The following NRF1 variants were observed in gnomAD, a reference collection of about 807,000 sequenced individuals.
NRF1 encodes the protein alpha palindromic-binding protein.
In NRF1, 5 loss-of-function variants were observed where a neutral mutation model predicts 58.5. That is an observed-to-expected ratio of 0.09 (90% CI 0.04 to 0.18). The LOEUF is 0.18. Among genes scored for constraint, NRF1 ranks in the 10% least tolerant of loss-of-function variants. The probability of loss-of-function intolerance (pLI) is 1.00; values close to 1 mark genes in which losing one functional copy is unlikely to be tolerated. For synonymous variants in NRF1, 224 were observed against 246.7 expected (o/e 0.91, Z 0.86); for missense variants, 288 against 657.7 (o/e 0.44, Z 6.15).
At chr7:129,680,523 C>T (rs1341162434) in intron 4 of NRF1, among the ~76,000 whole-genome samples, 1 of 152,050 alleles carries the variant, frequency 6.6e-6, no homozygotes, top group Non-Finnish European at 1.5e-5. Context: ...TTTATAATTG[C>T]CAAAAAGTGG....
chr7:129,746,971 A>T (rs1161737679), intron 10 of NRF1, among the ~76,000 whole-genome samples: 1 of 152,208 alleles, frequency 6.6e-6, no homozygotes, highest in Non-Finnish European at 1.5e-5. Context: ...AAGGTTTCCC[A>T]GACTGTGAGG....
In NRF1 at chr7:129,711,522, G is replaced by A. The variant is rs1221766265; in HGVS notation, c.1011G>A (p.Leu337=). Residue 337 remains leucine (L), a synonymous_variant, in exon 8 of 11, where the codon TTG becomes TTA. Coordinates refer to ENST00000393232, the MANE Select transcript of NRF1 (RefSeq NM_005011.5). ...TVATLADASE[L]PTTVTVAQVN... ...CCACATTGGCTGATGCTTCAGAATT[G>A]CCAACCACGGTCACCGTTGCCCAAG... 3 of 1,612,670 alleles carry A rather than the reference G, an allele frequency of 1.9e-6. No homozygotes were observed. The highest frequency in any genetic ancestry group is 2.7e-5 in the African/African-American group (2 of 74,924).
chr7:129,624,947 T>G (rs1276923720), intron 1 of NRF1, among the ~76,000 whole-genome samples: 2 of 152,206 alleles, frequency 1.3e-5, no homozygotes, highest in African/African-American at 4.8e-5. Context: ...AGAGAGAGTT[T>G]GTGGACTGCA....
intron 1 of NRF1, among the ~76,000 whole-genome samples, chr7:129,628,164 C>T (rs1449021424): frequency 1.3e-5 from 2 of 151,214 alleles, no homozygotes; most frequent in Non-Finnish European, 2.9e-5. Flanking sequence ...CTACCTCAGC[C>T]TCCCAAGTAG....
At chr7:129,733,239 G>T (rs1008167442) in intron 10 of NRF1, among the ~76,000 whole-genome samples, 2 of 152,036 alleles carry the variant, frequency 1.3e-5, no homozygotes, top group Non-Finnish European at 2.9e-5. Context: ...AGGCCGAGGC[G>T]GGTGGATCAT....
chr7:129,634,115 A>G (rs769745911), intron 1 of NRF1, among the ~76,000 whole-genome samples: 21 of 151,208 alleles, frequency 1.4e-4, no homozygotes, highest in Admixed American at 2.6e-4. Flanking sequence ...TTAGCTTTAC[A>G]GAAAAATTGA....
chr7:129,639,967 T>C (rs1316558749), intron 1 of NRF1, among the ~76,000 whole-genome samples: 1 of 152,252 alleles, frequency 6.6e-6, no homozygotes, highest in Admixed American at 6.5e-5. Flanking sequence ...TTGAACACTC[T>C]GGCGCTCACA....
chr7:129,692,930 GCTTT>G (rs1314513716), intron 5 of NRF1, among the ~76,000 whole-genome samples: 1 of 152,112 alleles, frequency 6.6e-6, no homozygotes, highest in Non-Finnish European at 1.5e-5. Context: ...CCTAAATGAA[GCTTT>G]CTTCTCCCTA....
At chr7:129,736,010 T>A (rs973703771) in intron 10 of NRF1, among the ~76,000 whole-genome samples, 2 of 151,880 alleles carry the variant, frequency 1.3e-5, no homozygotes, top group Non-Finnish European at 1.5e-5. Context: ...CTCAAAAAAA[T>A]AAATAAATAA....
Position 129,700,072 on chromosome 7 carries a change from TG to T in NRF1, c.607-9001del, listed in dbSNP as rs1287812945. Among the ~76,000 whole-genome samples the T allele has an allele frequency of 6.0e-5, 9 of 149,616 alleles. No homozygotes were observed. In the East Asian group the frequency reaches 1.6e-3, roughly 26 times the overall value. ...AGGAGAATCGCTTGAACCTAGGAGG[TG>T]GAGGTTGCAGTGAGCTGAGATGGCA... On this transcript the variant is annotated intron_variant, in intron 5 of 10. Coordinates refer to ENST00000393232, the MANE Select transcript of NRF1 (RefSeq NM_005011.5).
At chr7:129,719,644 T>A (rs935365852) in intron 9 of NRF1, among the ~76,000 whole-genome samples, 1 of 151,522 alleles carries the variant, frequency 6.6e-6, no homozygotes, top group Admixed American at 6.6e-5. Flanking sequence ...TTTCTTTTTT[T>A]CCCCCACTCA....
At chr7:129,694,508 G>C (rs1300557296) in intron 5 of NRF1, among the ~76,000 whole-genome samples, 2 of 152,122 alleles carry the variant, frequency 1.3e-5, no homozygotes, top group Non-Finnish European at 2.9e-5. Context: ...GGGACTACAG[G>C]CATGCGCCAC....
At chr7:129,676,241 T>G (rs1333158197) in intron 3 of NRF1, among the ~76,000 whole-genome samples, 1 of 152,186 alleles carries the variant, frequency 6.6e-6, no homozygotes, top group Non-Finnish European at 1.5e-5. Flanking sequence ...TTCATTGGAG[T>G]AGCATTTGTA....
At chr7:129,637,264 AAAG>A (rs552315162) in intron 1 of NRF1, among the ~76,000 whole-genome samples, 181 of 152,048 alleles carry the variant, frequency 1.2e-3, no homozygotes, top group African/African-American at 2.9e-3. Flanking sequence ...AAAAAAAAAA[AAAG>A]AAGAAGAAGA....
intron 1 of NRF1, among the ~76,000 whole-genome samples, chr7:129,623,375 T>C: frequency 3.0e-5 from 1 of 32,894 alleles, no homozygotes; most frequent in Admixed American, 5.2e-4. Context: ...GTGTTAAAAA[T>C]ACCTGTTTTT....
At chr7:129,703,168 G>A (rs1301941735) in intron 5 of NRF1, among the ~76,000 whole-genome samples, 3 of 152,018 alleles carry the variant, frequency 2.0e-5, no homozygotes, top group Admixed American at 6.6e-5. Flanking sequence ...TGATTGTCCC[G>A]GGAAGTGGTA....
At chr7:129,614,753 C>T (rs918787926) in intron 1 of NRF1, among the ~76,000 whole-genome samples, 1 of 152,128 alleles carries the variant, frequency 6.6e-6, no homozygotes, top group Non-Finnish European at 1.5e-5. Flanking sequence ...TTCTGAATTC[C>T]TGTGTATGTC....
At chr7:129,728,971 ACTT>A (rs1165041044) in intron 10 of NRF1, among the ~76,000 whole-genome samples, 1 of 151,944 alleles carries the variant, frequency 6.6e-6, no homozygotes, top group African/African-American at 2.4e-5. Context: ...CTAGACTCCT[ACTT>A]CTATTTTTTT....
intron 9 of NRF1, among the ~76,000 whole-genome samples, chr7:129,720,993 T>TATAC (rs1350289343): frequency 3.9e-5 from 6 of 151,910 alleles, no homozygotes; most frequent in African/African-American, 7.3e-5. Context: ...TGTGTGTGTA[T>TATAC]ATACATACAT....
Sources: gnomAD v4.1 joint callset for allele counts (sites outside exome capture counted in the v4.1 genomes callset) on GRCh38, gnomAD v4.1.1 for gene constraint, MANE v1.5 for transcripts, NCBI Gene and HGNC (gene_info 2026-07-23, HGNC 2026-07-21) for gene names.